The following PDE4D variants were observed in gnomAD, a reference collection of about 807,000 sequenced individuals.
PDE4D encodes 3',5'-cyclic-AMP phosphodiesterase 4D.
PDE4D carries 24 observed loss-of-function variants against 87.4 expected under a neutral mutation model. The observed-to-expected ratio is 0.27, with a 90% CI of 0.20 to 0.39. The LOEUF (loss-of-function observed/expected upper bound fraction) is 0.39, where lower values mean the gene tolerates loss of function less well. Among genes scored for constraint, PDE4D ranks in the 10% least tolerant of loss-of-function variants. The probability of loss-of-function intolerance (pLI) is 1.00; values close to 1 mark genes in which losing one functional copy is unlikely to be tolerated. For synonymous variants in PDE4D, 384 were observed against 383.2 expected (o/e 1.00, Z -0.02); for missense variants, 714 against 1,041.0 (o/e 0.69, Z 4.32).
intron 10 of PDE4D, among the ~76,000 whole-genome samples, chr5:58,988,828 AT>A (rs1047068356): frequency 6.6e-6 from 1 of 152,182 alleles, no homozygotes; most frequent in Non-Finnish European, 1.5e-5. Flanking sequence ...CATTCACTGT[AT>A]TTTTTAAAAT....
chr5:60,394,081 G>T (rs1244302434), intron 1 of PDE4D, among the ~76,000 whole-genome samples: 1 of 152,076 alleles, frequency 6.6e-6, no homozygotes, highest in Non-Finnish European at 1.5e-5. Flanking sequence ...CAGTCATCTG[G>T]ATTTTTATTC....
At position 59,634,964 on chromosome 5, in the gene PDE4D, C is replaced by T. The variant is rs565259584; in HGVS notation, c.455+258204G>A. Among the ~76,000 whole-genome samples, 19 of 151,618 alleles carry T rather than the reference C, an allele frequency of 1.3e-4. No homozygotes were observed. The East Asian group carries it at 2.3e-3, about 19-fold the overall frequency. ...GAATCCAGGAGCTGGTTTTTTGAAA[C>T]GATTAACAAAACAGACCACTAGCCA... On this transcript the variant is annotated intron_variant, in intron 1 of 14. Transcript: ENST00000340635.
At chr5:59,431,102 T>C (rs1040830504) in intron 1 of PDE4D, among the ~76,000 whole-genome samples, 4 of 152,080 alleles carry the variant, frequency 2.6e-5, no homozygotes, top group South Asian at 4.1e-4. Context: ...TGATACACAT[T>C]TTTTTTCCTC....
At chr5:60,309,046 T>G (rs1004288494) in intron 1 of PDE4D, among the ~76,000 whole-genome samples, 22 of 152,192 alleles carry the variant, frequency 1.4e-4, no homozygotes, top group African/African-American at 5.1e-4. Flanking sequence ...AGTACATGGC[T>G]TTCTGCCTGG....
intron 1 of PDE4D, among the ~76,000 whole-genome samples, chr5:60,466,591 G>C (rs571027313): frequency 6.6e-6 from 1 of 152,268 alleles, no homozygotes; most frequent in African/African-American, 2.4e-5. Flanking sequence ...CACCACAAGA[G>C]AGAAATTTTG....
At chr5:60,429,833 AGTTTTTTTTTTTTT>A (rs1470794038) in intron 1 of PDE4D, 2 of 346,392 alleles carry the variant, frequency 5.8e-6, no homozygotes, top group Non-Finnish European at 1.1e-5. Flanking sequence ...GTGGTGGATT[AGTTTTTTTTTTTTT>A]GTTTTTTTTT....
In PDE4D at chr5:59,574,027, TAA is replaced by T. The variant is rs1182960099; in HGVS notation, c.455+319139_455+319140del. 8.2e-3 allele frequency among the ~76,000 whole-genome samples: 985 copies of T among 120,062 alleles called. 28 individuals carry two copies. The highest frequency in any genetic ancestry group is 0.019 in the African/African-American group (546 of 29,008). 78.8% of individuals were successfully genotyped at this position (120,062 alleles called of 152,430 possible). A position where few individuals can be genotyped will look rare whatever the true frequency, so the allele number is the denominator to read the frequency against. The stretch of plus-strand genomic sequence containing the variant: ...AAAAATATATATATATATATATATA[TAA>T]AAATATATATTTATATATATTTATA... On this transcript the variant is annotated intron_variant, in intron 1 of 14. Transcript: ENST00000340635.
At position 60,334,081 on chromosome 5, in the gene PDE4D, C is replaced by T. The variant is rs569437051; in HGVS notation, c.-89-148394G>A. 6.7e-4 allele frequency among the ~76,000 whole-genome samples: 102 copies of T among 152,304 alleles called. No individual in the cohort carries two copies. In the Middle Eastern group the frequency reaches 0.01, roughly 15 times the overall value. On this transcript the variant is annotated intron_variant, in intron 1 of 16. Coordinates refer to the PDE4D transcript ENST00000502484. ...CCATAACTGGATGTAGTCATTCCTT[C>T]CCAATGTCAATGTCTATGTGTTTTT...
intron 2 of PDE4D, among the ~76,000 whole-genome samples, chr5:60,151,558 G>T (rs1313781364): frequency 6.6e-6 from 1 of 151,858 alleles, no homozygotes; most frequent in Admixed American, 6.6e-5. Context: ...ATAGTTCATT[G>T]TTAGTGTACA....
chr5:59,789,615 T>C (rs935497746), intron 1 of PDE4D, among the ~76,000 whole-genome samples: 3 of 152,260 alleles, frequency 2.0e-5, no homozygotes, highest in Non-Finnish European at 4.4e-5. Flanking sequence ...GGTATGAATC[T>C]ATTCCTCATG....
At chr5:59,661,285 G>C (rs1745219576) in intron 1 of PDE4D, among the ~76,000 whole-genome samples, 1 of 151,970 alleles carries the variant, frequency 6.6e-6, no homozygotes, top group Non-Finnish European at 1.5e-5. Flanking sequence ...TTTCTGAAGA[G>C]GGCAAATTAT....
chr5:60,102,733 A>G lies in PDE4D; in HGVS notation c.42+82824T>C, dbSNP rs145905474. Among the ~76,000 whole-genome samples, 27 of 152,308 alleles carry G rather than the reference A, an allele frequency of 1.8e-4. No homozygotes were observed. In the East Asian group the frequency reaches 2.9e-3, roughly 16 times the overall value. ...ACTTTCTTCATCTCTAAGAATTACT[A>G]AGAAAAGGGATGTTTGCAACCATGG... On this transcript the variant is annotated intron_variant, in intron 2 of 16. Transcript: ENST00000502484.
intron 3 of PDE4D, among the ~76,000 whole-genome samples, chr5:59,933,271 C>T (rs1286579552): frequency 1.3e-5 from 2 of 152,196 alleles, no homozygotes; most frequent in Non-Finnish European, 2.9e-5. Context: ...ACTAATGTGT[C>T]ATTTACTCTT....
At chr5:60,037,121 A>G (rs1767898100) in intron 2 of PDE4D, among the ~76,000 whole-genome samples, 1 of 152,216 alleles carries the variant, frequency 6.6e-6, no homozygotes. Flanking sequence ...ATCACAGAAC[A>G]AAACTAGATG....
At chr5:60,243,564 C>T (rs372677588) in intron 1 of PDE4D, among the ~76,000 whole-genome samples, 7 of 152,020 alleles carry the variant, frequency 4.6e-5, no homozygotes, top group African/African-American at 1.7e-4. Context: ...AAATCCTCAA[C>T]AAAATACTAA....
intron 5 of PDE4D, among the ~76,000 whole-genome samples, chr5:59,129,941 C>T (rs1776040569): frequency 1.3e-5 from 2 of 152,010 alleles, no homozygotes; most frequent in Non-Finnish European, 2.9e-5. Context: ...CAATGCCTAG[C>T]ACATAGGAGA....
At chr5:59,161,639 CA>C (rs1781117695) in intron 5 of PDE4D, among the ~76,000 whole-genome samples, 2 of 152,044 alleles carry the variant, frequency 1.3e-5, no homozygotes, top group Non-Finnish European at 2.9e-5. Context: ...ATCAGTCTTT[CA>C]GGTTAAATTT....
chr5:59,893,381 A>T lies in PDE4D; in HGVS notation c.242T>A (p.Leu81Gln). 2.4e-6 allele frequency: 3 copies of T among 1,241,838 alleles called. No homozygotes were observed. Among genetic ancestry groups the T allele is most frequent in the Admixed American group, 4.2e-5 (1 of 23,874 alleles). 76.9% of individuals were successfully genotyped at this position (1,241,838 alleles called of 1,614,324 possible). ...CCCGGGCGGCGGCGGGGGCGGCGGC[A>T]GGGGGGGCGGCGGCGGCGGCTGTAG... The part of the protein sequence containing the change: ...CPLQPPPPPP[L>Q]PPPPPPPGAA... The change falls in exon 1 of 15, where the codon CTG becomes CAG. Residue 81 changes from leucine to glutamine, a missense_variant. Coordinates refer to ENST00000340635, the MANE Select transcript of PDE4D (RefSeq NM_001104631.2).
chr5:59,859,995 A>C (rs968184613), intron 1 of PDE4D, among the ~76,000 whole-genome samples: 7 of 152,246 alleles, frequency 4.6e-5, no homozygotes, highest in Admixed American at 1.3e-4. Context: ...GATATTTGAC[A>C]GTTGAATTGG....
Sources: allele counts gnomAD v4.1 joint callset (sites outside exome capture counted in the v4.1 genomes callset), GRCh38; gene constraint gnomAD v4.1.1; transcripts MANE v1.5; gene names NCBI Gene and HGNC (gene_info 2026-07-23, HGNC 2026-07-21).